The following EMILIN3 variants were observed in gnomAD, a reference collection of about 807,000 sequenced individuals.
The protein encoded by EMILIN3 is EMILIN-3.
In EMILIN3, 38 loss-of-function variants were observed where a neutral mutation model predicts 42.8. The observed-to-expected ratio is 0.89, with a 90% CI of 0.69 to 1.16. EMILIN3 has a LOEUF of 1.16. Ranked by LOEUF, EMILIN3 falls within the 50% of genes most tolerant of loss-of-function variation. The pLI is 0.00. For missense variants in EMILIN3, 924 were observed against 999.5 expected, an observed-to-expected ratio of 0.92 and a Z score of 1.02; for synonymous variants, 430 against 440.5, an observed-to-expected ratio of 0.98 and a Z score of 0.30.
Position 41,363,722 on chromosome 20 carries a change from C to G in EMILIN3, c.430G>C (p.Glu144Gln). ...TDHGAASPQL[E>Q]PEPQIPSGQL... ...CCTGAAGGAATCTGAGGCTCAGGCT[C>G]CAGCTGGGGTGAGGCAGCCCCATGG... is the stretch of plus-strand genomic sequence containing the variant. The change falls in exon 3 of 4, where the codon GAG becomes CAG. Residue 144 changes from glutamate (E) to glutamine (Q), a missense_variant. Coordinates refer to ENST00000332312, the MANE Select transcript of EMILIN3 (RefSeq NM_052846.2). 6.2e-7 allele frequency: 1 copy of G among 1,614,074 alleles called. No individual in the cohort carries two copies. The highest frequency in any genetic ancestry group is 8.5e-7 in the Non-Finnish European group (1 of 1,180,026).
rs779462890 is a variant in EMILIN3 at position 41,363,866 on chromosome 20, G to A, written c.291-5C>T. 79 of 1,611,608 alleles carry A rather than the reference G, an allele frequency of 4.9e-5. No individual in the cohort carries two copies. The highest frequency in any genetic ancestry group is 6.5e-5 in the Non-Finnish European group (77 of 1,178,176). On this transcript the variant is annotated splice_region_variant and splice_polypyrimidine_tract_variant and intron_variant, in intron 2 of 3. Coordinates refer to ENST00000332312, the MANE Select transcript of EMILIN3 (RefSeq NM_052846.2). ...GGTCTGAGTACTGTGCGGTACCTGG[G>A]CCAGGGAGGGCAAGAGAGTGGGATC...
chr20:41,361,571 G>A lies in EMILIN3; in HGVS notation c.1998C>T (p.Ala666=). 6.2e-7 allele frequency: 1 copy of A among 1,612,432 alleles called. No homozygotes were observed. Among genetic ancestry groups the A allele is most frequent in the African/African-American group, 1.3e-5 (1 of 75,070 alleles). ...GELEQLKAGV[A]KVASGLSRCQ... ...AGCGGCTCAGCCCACTGGCCACCTTGGCCACACCAGCCTTGAGTTGCTCCA... is the reference window on the plus strand; with the variant it reads ...AGCGGCTCAGCCCACTGGCCACCTTAGCCACACCAGCCTTGAGTTGCTCCA... The change falls in exon 4 of 4, where the codon GCC becomes GCT. Residue 666 remains alanine (A), a synonymous_variant. Coordinates refer to ENST00000332312, the MANE Select transcript of EMILIN3 (RefSeq NM_052846.2).
Position 41,366,092 on chromosome 20 carries a change from C to T in EMILIN3, c.167+376G>A, listed in dbSNP as rs910121133. 5.9e-5 allele frequency among the ~76,000 whole-genome samples: 9 copies of T among 152,170 alleles called. No individual in the cohort carries two copies. Among genetic ancestry groups the T allele is most frequent in the Admixed American group, 2.0e-4 (3 of 15,290 alleles). ...CGGGCCAGGGGAGAGAAGGGAGGCC[C>T]GGGGCGGGGGAGCCCCGCGTGCTCA... On this transcript the variant is annotated intron_variant, in intron 1 of 3. Transcript: ENST00000332312. The surrounding 1 kb of genome is among the most constrained non-coding windows in gnomAD (Gnocchi z 4.2).
At position 41,362,488 on chromosome 20, in the gene EMILIN3, C is replaced by T; in HGVS notation, c.1081G>A (p.Ala361Thr). 1 of 1,599,254 alleles carries T rather than the reference C, an allele frequency of 6.3e-7. No homozygotes were observed. The highest frequency in any genetic ancestry group is 1.3e-5 in the African/African-American group (1 of 75,052). The change falls in exon 4 of 4, where the codon GCC becomes ACC. Residue 361 changes from alanine (A) to threonine (T), a missense_variant. Coordinates refer to ENST00000332312, the MANE Select transcript of EMILIN3 (RefSeq NM_052846.2). ...AGCTGTGACAGCTCCTGGCGCAGGG[C>T]CAGCTCCCGGCCATCAAGGCTCTGG... ...LHQSLDGREL[A>T]LRQELSQLGS...
In EMILIN3 at chr20:41,362,887, C is replaced by A. The variant is rs756627688; in HGVS notation, c.682G>T (p.Val228Phe). 52 of 1,613,702 alleles carry A rather than the reference C, an allele frequency of 3.2e-5. No individual in the cohort carries two copies. Among genetic ancestry groups the A allele is most frequent in the Admixed American group, 5.0e-5 (3 of 60,028 alleles). ...GGGCCCACAAGCCCCTCAGGGATGA[C>A]CCCAAAGCCCACAGGGACAGCAGGA... Reference protein sequence around the residue: ...RAPAVPVGFGVIPEGLVGPGD... With the variant: ...RAPAVPVGFGFIPEGLVGPGD... The change falls in exon 4 of 4, where the codon GTC becomes TTC. Residue 228 changes from valine (V) to phenylalanine (F), a missense_variant. Coordinates refer to ENST00000332312, the MANE Select transcript of EMILIN3 (RefSeq NM_052846.2).
In EMILIN3 at chr20:41,366,533, G is replaced by A. The variant is rs1421749764; in HGVS notation, c.102C>T (p.Pro34=). The A allele has an allele frequency of 1.2e-5, 14 of 1,153,418 alleles. No individual in the cohort carries two copies. Among genetic ancestry groups the A allele is most frequent in the Admixed American group, 9.6e-5 (2 of 20,824 alleles). The allele number at this position is 1,153,418 out of a possible 1,614,324, so 71.4% of individuals were successfully genotyped here. A position where few individuals can be genotyped will look rare whatever the true frequency, so the allele number is the denominator to read the frequency against. Residue 34 remains proline, a synonymous_variant, in exon 1 of 4, where the codon CCC becomes CCT. Transcript: ENST00000332312. This position sits in a 1 kb window ranked among gnomAD's most constrained non-coding sequence, Gnocchi z 4.2. ...GTPLLARPAP[P]GASRYSLYTT... ...TGTAGAGACTGTAGCGGGAGGCACC[G>A]GGCGGCGCAGGCCGCGCCAGGAGCG...
rs746256902 is a variant in EMILIN3, at chr20:41,363,804, G to A, written c.348C>T (p.Leu116=). ...YKVGYKTVTD[L]AWRCCPGFTG... is the part of the protein sequence containing the mutation. ...TGAAGCCGGGACAGCAACGCCAGGCGAGGTCTGTCACTGTCTTGTAGCCAA... is the reference window on the plus strand; with the variant it reads ...TGAAGCCGGGACAGCAACGCCAGGCAAGGTCTGTCACTGTCTTGTAGCCAA... The change falls in exon 3 of 4, where the codon CTC becomes CTT. Residue 116 remains leucine, a synonymous_variant. Coordinates refer to ENST00000332312, the MANE Select transcript of EMILIN3 (RefSeq NM_052846.2). The A allele has an allele frequency of 2.0e-5, 33 of 1,614,042 alleles. No homozygotes were observed. Among genetic ancestry groups the A allele is most frequent in the Non-Finnish European group, 2.1e-5 (25 of 1,180,024 alleles).
At position 41,366,345 on chromosome 20, in the gene EMILIN3, C is replaced by T; in HGVS notation, c.167+123G>A. 2.7e-6 allele frequency: 2 copies of T among 727,506 alleles called. No homozygotes were observed. The allele number at this position is 727,506 out of a possible 1,614,324, so 45.1% of individuals were successfully genotyped here. A position where few individuals can be genotyped will look rare whatever the true frequency, so the allele number is the denominator to read the frequency against. On this transcript the variant is annotated intron_variant, in intron 1 of 3. Transcript: ENST00000332312. The surrounding 1 kb of genome is among the most constrained non-coding windows in gnomAD (Gnocchi z 4.2). ...GGGGCTCGGCCCCGGGCGCCGCCCC[C>T]TCTGTGCAGCGGCCTCGGGGTGCCC...
Position 41,362,277 on chromosome 20 carries a change from C to A in EMILIN3, c.1292G>T (p.Gly431Val), listed in dbSNP as rs776736017. 6.2e-7 allele frequency: 1 copy of A among 1,613,946 alleles called. No individual in the cohort carries two copies. The highest frequency in any genetic ancestry group is 8.5e-7 in the Non-Finnish European group (1 of 1,180,008). The part of the protein sequence containing the change: ...TRLSAAMLEG[G>V]VDGLLEGLET... ...CAGACCCTCAAGCAGCCCGTCCACA[C>A]CTCCCTCGAGCATGGCAGCAGAGAG... The change falls in exon 4 of 4, where the codon GGT (glycine) becomes GTT (valine). Residue 431 changes from glycine to valine, a missense_variant. Coordinates refer to ENST00000332312, the MANE Select transcript of EMILIN3 (RefSeq NM_052846.2).
In EMILIN3 at chr20:41,362,190, C is replaced by G. The variant is rs754621531; in HGVS notation, c.1379G>C (p.Gly460Ala). ...GGTCCCAAAGCCGCCCACTCCCCAC[C>G]CCCCCATGTCCAACCTCAGACAGCA... ...RGCCLRLDMG[G>A]WGVGGFGTML... The change falls in exon 4 of 4, where the codon GGG (glycine) becomes GCG (alanine). Residue 460 changes from glycine to alanine, a missense_variant. Coordinates refer to ENST00000332312, the MANE Select transcript of EMILIN3 (RefSeq NM_052846.2). The G allele has an allele frequency of 1.1e-5, 17 of 1,613,592 alleles. No individual in the cohort carries two copies. In the South Asian group the frequency reaches 1.9e-4, roughly 18 times the overall value.
rs757646657 is a variant in EMILIN3, at chr20:41,363,861, C to T, written c.291G>A (p.Thr97=). 1.2e-6 allele frequency: 2 copies of T among 1,612,438 alleles called. No homozygotes were observed. The highest frequency in any genetic ancestry group is 1.7e-6 in the Non-Finnish European group (2 of 1,178,810). The part of the protein sequence containing the change: ...RWGPKCPGTV[T]YRTVLRPKYK... ...ATTTGGGTCTGAGTACTGTGCGGTA[C>T]CTGGGCCAGGGAGGGCAAGAGAGTG... is the stretch of plus-strand genomic sequence containing the variant. Residue 97 remains threonine, a splice_region_variant and synonymous_variant, in exon 3 of 4, where the codon ACG becomes ACA. Transcript: ENST00000332312.
chr20:41,361,884 T>C lies in EMILIN3; in HGVS notation c.1685A>G (p.Asn562Ser), dbSNP rs764125854. Residue 562 changes from asparagine (N) to serine (S), a missense_variant, in exon 4 of 4, where the codon AAT becomes AGT. Coordinates refer to ENST00000332312, the MANE Select transcript of EMILIN3 (RefSeq NM_052846.2). Reference sequence around the variant, plus strand: ...TCCCTGGACCTCGGCCACAGTGCCATTGAGCTGCTGGAGCAGTGCTGCGTG... The same window carrying C: ...TCCCTGGACCTCGGCCACAGTGCCACTGAGCTGCTGGAGCAGTGCTGCGTG... ...ASHAALLQQL[N>S]GTVAEVQGQL... 34 of 1,613,438 alleles carry C rather than the reference T, an allele frequency of 2.1e-5. No individual in the cohort carries two copies. The East Asian group carries it at 3.6e-4, about 17-fold the overall frequency.
intron 2 of EMILIN3, among the ~76,000 whole-genome samples, chr20:41,364,675 G>A (rs563046730): frequency 5.3e-5 from 8 of 152,264 alleles, no homozygotes; most frequent in East Asian, 3.9e-4. Flanking sequence ...GGCATCACCC[G>A]TTGCCTAAGG....
chr20:41,362,964 C>G lies in EMILIN3; in HGVS notation c.605G>C (p.Gly202Ala). Residue 202 changes from glycine (G) to alanine (A), a missense_variant, in exon 4 of 4, where the codon GGC (glycine) becomes GCC (alanine). Gly to Ala is a moderately conservative substitution (Grantham distance 60). Coordinates refer to ENST00000332312, the MANE Select transcript of EMILIN3 (RefSeq NM_052846.2). ...RLAQTYGTLS[G>A]LVASHEDPNR... The stretch of plus-strand genomic sequence containing the variant: ...GGGATCCTCGTGGCTAGCCACCAGG[C>G]CACTGAGGGTACCATATGTTTGAGC... 4 of 1,613,388 alleles carry G rather than the reference C, an allele frequency of 2.5e-6. No homozygotes were observed. The highest frequency in any genetic ancestry group is 3.4e-6 in the Non-Finnish European group (4 of 1,179,790).
At chr20:41,364,444 C>T (rs1017474366) in intron 2 of EMILIN3, among the ~76,000 whole-genome samples, 1 of 152,168 alleles carries the variant, frequency 6.6e-6, no homozygotes, top group Admixed American at 6.5e-5. Context: ...CAGGCAGGCT[C>T]GCGAGGGTCC....
Position 41,361,800 on chromosome 20 carries a change from T to C in EMILIN3, c.1769A>G (p.Asn590Ser), listed in dbSNP as rs767071454. The change falls in exon 4 of 4, where the codon AAT becomes AGT. Residue 590 changes from asparagine (N) to serine (S), a missense_variant. By Grantham distance (46) the Asn-to-Ser change is conservative (BLOSUM62 1). Coordinates refer to ENST00000332312, the MANE Select transcript of EMILIN3 (RefSeq NM_052846.2). ...GAGCGACTTGCTCACTGAGTTCAGA[T>C]TGACCTTGAGCAGAGTGATCTCGCC... ...LQGEITLLKV[N>S]LNSVSKSLTG... The C allele has an allele frequency of 6.2e-6, 10 of 1,613,634 alleles. No homozygotes were observed. Among genetic ancestry groups the C allele is most frequent in the Non-Finnish European group, 8.5e-6 (10 of 1,180,042 alleles).
chr20:41,363,981 T>G (rs921408293), intron 2 of EMILIN3, 120 bp from the exon 3 acceptor site: 1 of 881,972 alleles, frequency 1.1e-6, no homozygotes, highest in Non-Finnish European at 1.8e-6. Context: ...CCCACCTCCA[T>G]AGCACCCCCA....
chr20:41,365,413 T>C (rs1275584443), intron 1 of EMILIN3, among the ~76,000 whole-genome samples: 1 of 152,098 alleles, frequency 6.6e-6, no homozygotes, highest in African/African-American at 2.4e-5. Context: ...TGGCTGCCCC[T>C]CCCTGCGTGG....
In EMILIN3 at chr20:41,363,642, A is replaced by G. The variant is rs773649604; in HGVS notation, c.510T>C (p.Pro170=). ...GGTCTCCTTGGGCAGACTCACCATG[A>G]GGGCTGGGGGCTGCTCTGCTGTAGG... ...PPSYSRAAPS[P]HGRKGPGLFG... Residue 170 remains proline, a synonymous_variant, in exon 3 of 4, where the codon CCT becomes CCC. Coordinates refer to ENST00000332312, the MANE Select transcript of EMILIN3 (RefSeq NM_052846.2). 2 of 1,605,490 alleles carry G rather than the reference A, an allele frequency of 1.2e-6. No homozygotes were observed. The highest frequency in any genetic ancestry group is 4.5e-5 in the East Asian group (2 of 44,704).
Sources: gnomAD v4.1 joint callset for allele counts (sites outside exome capture counted in the v4.1 genomes callset) on GRCh38, gnomAD v4.1.1 for gene constraint, Gnocchi (gnomAD v3.1) non-coding constraint, MANE v1.5 for transcripts, NCBI Gene and HGNC (gene_info 2026-07-23, HGNC 2026-07-21) for gene names.